Variants in EML6 observed in about 807,000 individuals in gnomAD.
The protein encoded by EML6 is echinoderm microtubule-associated protein-like 6.
Under a neutral mutation model 240.1 loss-of-function variants are expected in EML6, and 154 were observed. That is an observed-to-expected ratio of 0.64 (90% CI 0.56 to 0.73). The LOEUF (loss-of-function observed/expected upper bound fraction) is 0.73, where lower values mean the gene tolerates loss of function less well. EML6 is among the 30% of genes least tolerant of loss of function. The pLI, the probability that EML6 is intolerant of heterozygous loss-of-function variation, is 0.00. For missense variants in EML6, 2,964 were observed against 2,474.6 expected (o/e 1.20, Z -4.20); for synonymous variants, 1,148 against 899.0 (o/e 1.28, Z -4.95).
chr2:54,958,484 G>A (rs1177541603), intron 33 of EML6, among the ~76,000 whole-genome samples: 5 of 151,476 alleles, frequency 3.3e-5, no homozygotes, highest in African/African-American at 1.2e-4. Flanking sequence ...GAGCCACCTC[G>A]CCTGGCCAAT....
chr2:54,843,085 G>A (rs1199259111), intron 7 of EML6, among the ~76,000 whole-genome samples: 1 of 152,162 alleles, frequency 6.6e-6, no homozygotes, highest in Non-Finnish European at 1.5e-5. Context: ...TTAACACAAT[G>A]TTATTCCTAA....
chr2:54,787,451 C>A (rs1011914521), intron 2 of EML6, among the ~76,000 whole-genome samples: 13 of 152,214 alleles, frequency 8.5e-5, no homozygotes, highest in African/African-American at 3.1e-4. Flanking sequence ...CACTTACCAG[C>A]TGTGTGGCCT....
chr2:54,970,214 T>C lies in EML6; in HGVS notation c.*119T>C. 1.0e-6 allele frequency: 1 copy of C among 967,646 alleles called. No homozygotes were observed. The highest frequency in any genetic ancestry group is 1.6e-6 in the Non-Finnish European group (1 of 619,672). 59.9% of individuals were successfully genotyped at this position (967,646 alleles called of 1,614,324 possible). A position where few individuals can be genotyped will look rare whatever the true frequency, so the allele number is the denominator to read the frequency against. On this transcript the variant is annotated 3_prime_UTR_variant, in exon 42 of 42. Transcript: ENST00000356458. The stretch of plus-strand genomic sequence containing the variant: ...GAAATGCCTACCATGCTGCCCCGGA[T>C]GCACAAGCTCAAAACGCTGCAGAAG...
At chr2:54,872,445 C>T (rs1405863734) in intron 16 of EML6, among the ~76,000 whole-genome samples, 1 of 152,134 alleles carries the variant, frequency 6.6e-6, no homozygotes, top group Non-Finnish European at 1.5e-5. Flanking sequence ...GTCCCTTCCT[C>T]TCCCCGTTCA....
At chr2:54,822,392 C>T (rs531697085) in intron 5 of EML6, among the ~76,000 whole-genome samples, 4 of 152,214 alleles carry the variant, frequency 2.6e-5, no homozygotes, top group African/African-American at 9.6e-5. Context: ...TAGAATCTAT[C>T]CCAAGCAAAT....
chr2:54,948,745 T>C, intron 28 of EML6, 137 bp from the exon 29 acceptor site: 1 of 664,420 alleles, frequency 1.5e-6, no homozygotes, highest in Non-Finnish European at 2.6e-6. Flanking sequence ...AGGGCAGGAC[T>C]GAACAGATCC....
At chr2:54,967,978 C>G (rs1447952533) in intron 39 of EML6, 150 bp from the exon 40 acceptor site, 1 of 701,812 alleles carries the variant, frequency 1.4e-6, no homozygotes, top group Non-Finnish European at 2.4e-6. Context: ...TCCTAACAGG[C>G]CATGGACCAG....
In EML6 at chr2:54,765,421, T is replaced by C. The variant is rs148619345; in HGVS notation, c.197+40163T>C. ...CTCTGGTTGTTTACCCTCTTTTCCC[T>C]ACAAACTTAAGGGCAAACAAATTTT... On this transcript the variant is annotated intron_variant, in intron 2 of 41. Transcript: ENST00000356458. 1.3e-4 allele frequency among the ~76,000 whole-genome samples: 20 copies of C among 152,334 alleles called. No homozygotes were observed. In the East Asian group the frequency reaches 3.3e-3, roughly 25 times the overall value.
intron 10 of EML6, among the ~76,000 whole-genome samples, chr2:54,853,075 T>A (rs2103770416): frequency 6.6e-6 from 1 of 152,326 alleles, no homozygotes; most frequent in Non-Finnish European, 1.5e-5. Context: ...ATTCACTAAT[T>A]TTTTTTCATT....
intron 22 of EML6, among the ~76,000 whole-genome samples, chr2:54,901,484 T>C (rs1673053440): frequency 6.6e-6 from 1 of 152,214 alleles, no homozygotes; most frequent in Admixed American, 6.5e-5. Flanking sequence ...ATGGACTTTA[T>C]TCTCTAAGTT....
At chr2:54,740,139 A>T (rs769862501) in intron 2 of EML6, among the ~76,000 whole-genome samples, 44 of 152,152 alleles carry the variant, frequency 2.9e-4, no homozygotes, top group African/African-American at 8.9e-4. Flanking sequence ...AGAGGTGGTT[A>T]TACATTTATA....
chr2:54,944,826 G>C (rs1207597550), intron 28 of EML6, among the ~76,000 whole-genome samples: 1 of 151,978 alleles, frequency 6.6e-6, no homozygotes, highest in Non-Finnish European at 1.5e-5. Flanking sequence ...CAGTTCTTAG[G>C]AATACTGTTA....
chr2:54,782,064 T>G (rs35880160), intron 2 of EML6, among the ~76,000 whole-genome samples: 38,927 of 152,144 alleles, frequency 0.26, 5,925 homozygotes, highest in Middle Eastern at 0.44. Flanking sequence ...CTCTATTTTA[T>G]GCCAACCAAA....
intron 2 of EML6, among the ~76,000 whole-genome samples, chr2:54,739,046 C>A (rs536627985): frequency 8.5e-5 from 13 of 152,184 alleles, no homozygotes; most frequent in African/African-American, 3.1e-4. Flanking sequence ...AGTTTGAGAC[C>A]AAAGTGGTTG....
chr2:54,970,239 GT>G lies in EML6; in HGVS notation c.*146del. On this transcript the variant is annotated 3_prime_UTR_variant, in exon 42 of 42. Coordinates refer to ENST00000356458, the MANE Select transcript of EML6 (RefSeq NM_001039753.4). ...TGCACAAGCTCAAAACGCTGCAGAA[GT>G]TACACAACTGCTCCCATAATCTGGA... is the stretch of plus-strand genomic sequence containing the variant. The G allele has an allele frequency of 1.3e-6, 1 of 772,178 alleles. No individual in the cohort carries two copies. The allele number at this position is 772,178 out of a possible 1,614,324, so 47.8% of individuals were successfully genotyped here. A position where few individuals can be genotyped will look rare whatever the true frequency, so the allele number is the denominator to read the frequency against.
At chr2:54,763,838 C>T (rs1287632124) in intron 2 of EML6, among the ~76,000 whole-genome samples, 1 of 152,116 alleles carries the variant, frequency 6.6e-6, no homozygotes, top group Admixed American at 6.5e-5. Flanking sequence ...CTAGGGGGCA[C>T]CTTGGCTCTG....
chr2:54,783,107 C>T (rs948666988), intron 2 of EML6, among the ~76,000 whole-genome samples: 3 of 152,136 alleles, frequency 2.0e-5, no homozygotes, highest in African/African-American at 7.2e-5. Context: ...TATAGTCGAT[C>T]AGTAAATAAT....
At chr2:54,832,391 A>G (rs868046790) in intron 7 of EML6, among the ~76,000 whole-genome samples, 2 of 152,222 alleles carry the variant, frequency 1.3e-5, no homozygotes, top group South Asian at 4.1e-4. Context: ...AGCTCCGAAC[A>G]GGGAGAGACT....
At chr2:54,823,235 G>A (rs1481142178) in intron 5 of EML6, among the ~76,000 whole-genome samples, 1 of 152,172 alleles carries the variant, frequency 6.6e-6, no homozygotes, top group Non-Finnish European at 1.5e-5. Flanking sequence ...CTAGAAGCAT[G>A]TTGTCAGGAT....
Sources: allele counts gnomAD v4.1 joint callset (sites outside exome capture counted in the v4.1 genomes callset), GRCh38; gene constraint gnomAD v4.1.1; transcripts MANE v1.5; gene names NCBI Gene and HGNC (gene_info 2026-07-23, HGNC 2026-07-21).